SOS1: variants seen among roughly 807,000 people sequenced by gnomAD.
SOS1 encodes SOS Ras/Rac guanine nucleotide exchange factor 1.
Under a neutral mutation model 157.6 loss-of-function variants are expected in SOS1, and 25 were observed. The observed-to-expected ratio is 0.16, with a 90% CI of 0.12 to 0.22. The LOEUF is 0.22. Among genes scored for constraint, SOS1 ranks in the 10% least tolerant of loss-of-function variants. The probability of loss-of-function intolerance (pLI) is 1.00; values close to 1 mark genes in which losing one functional copy is unlikely to be tolerated. For missense variants in SOS1, 1,237 were observed against 1,599.1 expected, an observed-to-expected ratio of 0.77 and a Z score of 3.86; for synonymous variants, 528 against 534.0, an observed-to-expected ratio of 0.99 and a Z score of 0.16.
intron 1 of SOS1, among the ~76,000 whole-genome samples, chr2:39,069,541 A>G (rs1467653837): frequency 6.6e-6 from 1 of 152,106 alleles, no homozygotes; most frequent in Non-Finnish European, 1.5e-5. Context: ...CTTTAAAACA[A>G]AACTTATTCA....
At chr2:39,008,995 G>A (rs1435968717) in intron 15 of SOS1, among the ~76,000 whole-genome samples, 5 of 152,102 alleles carry the variant, frequency 3.3e-5, no homozygotes, top group African/African-American at 1.2e-4. Flanking sequence ...AACAGAAACT[G>A]CCTGTGAGAG....
chr2:39,055,103 T>C (rs1357063627), intron 4 of SOS1, among the ~76,000 whole-genome samples: 1 of 152,192 alleles, frequency 6.6e-6, no homozygotes, highest in Admixed American at 6.5e-5. Flanking sequence ...TGTTTCCAGA[T>C]CCTGTCTTTA....
At chr2:39,104,321 G>C (rs1035685499) in intron 1 of SOS1, among the ~76,000 whole-genome samples, 3 of 152,044 alleles carry the variant, frequency 2.0e-5, no homozygotes, top group African/African-American at 7.2e-5. Flanking sequence ...AAGGGGCAAT[G>C]AATTTGAATA....
chr2:39,092,455 T>C (rs1445413669), intron 1 of SOS1, among the ~76,000 whole-genome samples: 1 of 152,244 alleles, frequency 6.6e-6, no homozygotes, highest in Non-Finnish European at 1.5e-5. Context: ...TCCTCGACCA[T>C]TATTTTTAAG....
At position 39,067,661 on chromosome 2, in the gene SOS1, G is replaced by C; in HGVS notation, c.180C>G (p.Cys60Trp). Residue 60 changes from cysteine to tryptophan, a missense_variant, in exon 2 of 23, where the codon TGC becomes TGG. Cys to Trp is a radical substitution (Grantham distance 215). Coordinates refer to ENST00000402219, the MANE Select transcript of SOS1 (RefSeq NM_005633.4). The stretch of plus-strand genomic sequence containing the variant: ...CTGAAGCACTTCGGGGCTGAGCTTG[G>C]CATAGCATATTTAATAATTGCAAAA... ...ELILQLLNMLCQAQPRSASDV... is the reference protein window; with the variant it reads ...ELILQLLNMLWQAQPRSASDV... 1 of 1,612,966 alleles carries C rather than the reference G, an allele frequency of 6.2e-7. No individual in the cohort carries two copies. The highest frequency in any genetic ancestry group is 8.5e-7 in the Non-Finnish European group (1 of 1,179,010).
chr2:39,066,964 G>T (rs1671608367), intron 2 of SOS1, among the ~76,000 whole-genome samples: 1 of 152,094 alleles, frequency 6.6e-6, no homozygotes, highest in African/African-American at 2.4e-5. Flanking sequence ...TTAACAGCTA[G>T]AATATATACA....
chr2:38,987,403 A>T, intron 22 of SOS1, 70 bp downstream of exon 22: 1 of 802,862 alleles, frequency 1.2e-6, no homozygotes, highest in Non-Finnish European at 2.2e-6. Flanking sequence ...TGAGAACTAA[A>T]CTAGACAGCC....
intron 19 of SOS1, 51 bp from the exon 20 acceptor site, chr2:38,995,438 G>A: frequency 6.7e-7 from 1 of 1,502,786 alleles, no homozygotes; most frequent in Non-Finnish European, 9.3e-7. Flanking sequence ...TAGTAGAAAG[G>A]AAAGTTTTTC....
At chr2:39,114,224 T>C (rs925314850) in intron 1 of SOS1, among the ~76,000 whole-genome samples, 3 of 152,070 alleles carry the variant, frequency 2.0e-5, no homozygotes, top group Non-Finnish European at 4.4e-5. Flanking sequence ...GCCTCCTGAG[T>C]AGCCAGGACC....
intron 6 of SOS1, among the ~76,000 whole-genome samples, chr2:39,044,927 G>T (rs988500609): frequency 6.6e-6 from 1 of 152,032 alleles, no homozygotes; most frequent in African/African-American, 2.4e-5. Flanking sequence ...AGGATCCCAT[G>T]CAGATACCAA....
chr2:39,066,914 A>C (rs1301300155), intron 2 of SOS1, among the ~76,000 whole-genome samples: 1 of 152,222 alleles, frequency 6.6e-6, no homozygotes, highest in African/African-American at 2.4e-5. Context: ...TATCATCAAG[A>C]AATTGTTCGT....
chr2:39,054,924 A>C (rs1671154185), intron 4 of SOS1, 101 bp from the exon 5 acceptor site: 1 of 724,798 alleles, frequency 1.4e-6, no homozygotes, highest in Admixed American at 2.4e-5. Context: ...CTTAAATGAT[A>C]AAAAAGCAGA....
chr2:39,082,071 T>C (rs1409599968), intron 1 of SOS1, among the ~76,000 whole-genome samples: 3 of 152,168 alleles, frequency 2.0e-5, no homozygotes, highest in Non-Finnish European at 4.4e-5. Flanking sequence ...AATTATACTT[T>C]CAGTTATTTA....
intron 6 of SOS1, among the ~76,000 whole-genome samples, chr2:39,050,390 A>G (rs899340999): frequency 6.6e-6 from 1 of 152,130 alleles, no homozygotes; most frequent in African/African-American, 2.4e-5. Flanking sequence ...TCCTATTCTA[A>G]ATAATAATGC....
intron 6 of SOS1, among the ~76,000 whole-genome samples, chr2:39,048,104 A>G (rs1670857856): frequency 6.6e-6 from 1 of 152,194 alleles, no homozygotes; most frequent in East Asian, 1.9e-4. Context: ...CATCTAATGA[A>G]GTCCAGTTTA....
At chr2:39,071,380 G>A (rs1026659290) in intron 1 of SOS1, among the ~76,000 whole-genome samples, 3 of 151,990 alleles carry the variant, frequency 2.0e-5, no homozygotes, top group Admixed American at 6.6e-5. Context: ...TATAAAACTT[G>A]GCTTGAAGTA....
intron 17 of SOS1, among the ~76,000 whole-genome samples, chr2:39,005,922 G>A (rs148529045): frequency 0.012 from 1,797 of 152,168 alleles, 90 homozygotes; most frequent in Admixed American, 0.086. Flanking sequence ...GATTCAGGTG[G>A]TAGATTCAGT....
intron 1 of SOS1, among the ~76,000 whole-genome samples, chr2:39,095,850 G>T (rs1290347613): frequency 6.6e-6 from 1 of 152,180 alleles, no homozygotes; most frequent in East Asian, 1.9e-4. Flanking sequence ...AGAAGTCTAG[G>T]TATGTGCTGA....
chr2:39,012,310 T>C lies in SOS1; in HGVS notation c.2206A>G (p.Ile736Val), dbSNP rs752706487. ...MKKWVESITK[I>V]IQRKKIARDN... ...CTTGCAATTTTTTTCCTTTGGATTATTTTAGTGATGGATTCAACCCATTTT... is the reference window on the plus strand; with the variant it reads ...CTTGCAATTTTTTTCCTTTGGATTACTTTAGTGATGGATTCAACCCATTTT... The change falls in exon 14 of 23, where the codon ATA becomes GTA. Residue 736 changes from isoleucine (I) to valine (V), a missense_variant. Ile to Val is a conservative substitution (Grantham distance 29). Transcript: ENST00000402219. 1 of 1,611,742 alleles carries C rather than the reference T, an allele frequency of 6.2e-7. No individual in the cohort carries two copies. The highest frequency in any genetic ancestry group is 8.5e-7 in the Non-Finnish European group (1 of 1,177,932).
Sources: gnomAD v4.1 joint callset for allele counts (sites outside exome capture counted in the v4.1 genomes callset) on GRCh38, gnomAD v4.1.1 for gene constraint, MANE v1.5 for transcripts, NCBI Gene and HGNC (gene_info 2026-07-23, HGNC 2026-07-21) for gene names.